KDM4B: variants seen among roughly 807,000 people sequenced by gnomAD.
The protein encoded by KDM4B is lysine-specific demethylase 4B.
A neutral mutation model predicts 125.2 loss-of-function variants in KDM4B; 32 were observed. That is an observed-to-expected ratio of 0.26 (90% confidence interval 0.19 to 0.34). The LOEUF (loss-of-function observed/expected upper bound fraction) is 0.34. Ranked by LOEUF, KDM4B falls within the 10% of genes least tolerant of loss-of-function variation. The probability of loss-of-function intolerance (pLI) is 1.00; values close to 1 mark genes in which losing one functional copy is unlikely to be tolerated. For missense variants in KDM4B, 1,190 were observed against 1,577.7 expected, an observed-to-expected ratio of 0.75 and a Z score of 4.16; for synonymous variants, 721 against 677.9, an observed-to-expected ratio of 1.06 and a Z score of -0.99.
At position 5,144,013 on chromosome 19, in the gene KDM4B, G is replaced by A; in HGVS notation, c.2597G>A (p.Cys866Tyr). The A allele has an allele frequency of 6.3e-7, 1 of 1,592,986 alleles. No individual in the cohort carries two copies. ...CGGATGAAGAAGGTGTCAGGTGCCT[G>A]TATCCAGTGCTCCTACGAGCACTGC... Reference protein sequence around the residue: ...RKRMKKVSGACIQCSYEHCST... With the variant: ...RKRMKKVSGAYIQCSYEHCST... The change falls in exon 19 of 23, where the codon TGT (cysteine) becomes TAT (tyrosine). Residue 866 changes from cysteine (C) to tyrosine (Y), a missense_variant. Coordinates refer to ENST00000159111, the MANE Select transcript of KDM4B (RefSeq NM_015015.3).
chr19:5,033,099 G>T lies in KDM4B; in HGVS notation c.141+68G>T, dbSNP rs1250836410. On this transcript the variant is annotated intron_variant, in intron 3 of 22. Coordinates refer to ENST00000159111, the MANE Select transcript of KDM4B (RefSeq NM_015015.3). The stretch of plus-strand genomic sequence containing the variant: ...CGCCGCGGGCCTGCGGACATCCTGG[G>T]TCCCAGCTCAGCCAGCCCCACAGGC... 4 of 1,566,546 alleles carry T rather than the reference G, an allele frequency of 2.6e-6. No homozygotes were observed. The African/African-American group carries it at 4.1e-5, about 16-fold the overall frequency.
intron 10 of KDM4B, among the ~76,000 whole-genome samples, chr19:5,116,022 A>T (rs2039247608): frequency 1.3e-5 from 2 of 152,308 alleles, no homozygotes; most frequent in South Asian, 4.1e-4. Context: ...TACCCAAACC[A>T]CAATGCATCG....
At chr19:5,095,904 C>A (rs1171559839) in intron 9 of KDM4B, among the ~76,000 whole-genome samples, 1 of 152,218 alleles carries the variant, frequency 6.6e-6, no homozygotes, top group African/African-American at 2.4e-5. Context: ...CAGGGGCCCC[C>A]AGTCTATAGA....
At chr19:5,076,021 C>T (rs966025622) in intron 7 of KDM4B, 7 of 172,118 alleles carry the variant, frequency 4.1e-5, no homozygotes, top group Non-Finnish European at 6.3e-5. Flanking sequence ...ACATCAGCTC[C>T]GAGAGGAGAG....
chr19:5,120,425 CTG>C (rs1216796487), intron 11 of KDM4B, among the ~76,000 whole-genome samples: 1 of 152,252 alleles, frequency 6.6e-6, no homozygotes, highest in African/African-American at 2.4e-5. Flanking sequence ...CTGGTCCTGA[CTG>C]TGAGCTGGGG....
At chr19:4,999,985 C>A (rs894801060) in intron 1 of KDM4B, among the ~76,000 whole-genome samples, 1 of 144,988 alleles carries the variant, frequency 6.9e-6, no homozygotes, top group African/African-American at 2.6e-5. Context: ...ATCTATCCCC[C>A]TGTCCACCCA....
intron 1 of KDM4B, among the ~76,000 whole-genome samples, chr19:4,998,298 G>C (rs147394148): frequency 6.6e-6 from 1 of 152,300 alleles, no homozygotes; most frequent in South Asian, 2.1e-4. Context: ...TCTGTCCTGG[G>C]TTTTCTTGGC....
intron 13 of KDM4B, 92 bp from the exon 14 acceptor site, chr19:5,133,791 C>T (rs937696828): frequency 7.2e-7 from 1 of 1,379,742 alleles, no homozygotes; most frequent in African/African-American, 1.4e-5. Flanking sequence ...GGCTGTAGAC[C>T]CGGGGCCATC....
Position 5,137,246 on chromosome 19 carries a change from C to T in KDM4B, c.2309-16C>T. On this transcript the variant is annotated splice_polypyrimidine_tract_variant and intron_variant, in intron 15 of 22. Transcript: ENST00000159111. The stretch of plus-strand genomic sequence containing the variant: ...ACCTGCCCCCCAGATCTCAGCCAGC[C>T]CCCGCTGTCTTCCAGGTTGCTATGG... 6.4e-7 allele frequency: 1 copy of T among 1,559,636 alleles called. No individual in the cohort carries two copies. The highest frequency in any genetic ancestry group is 8.7e-7 in the Non-Finnish European group (1 of 1,151,452).
In KDM4B at chr19:5,153,452, A is replaced by G. The variant is rs550705541; in HGVS notation, c.*1941A>G. 2 of 152,328 alleles carry G rather than the reference A, an allele frequency of 1.3e-5. No individual in the cohort carries two copies. Among genetic ancestry groups the G allele is most frequent in the African/African-American group, 4.8e-5 (2 of 41,588 alleles). 9.4% of individuals were successfully genotyped at this position (152,328 alleles called of 1,614,324 possible). A position where few individuals can be genotyped will look rare whatever the true frequency, so the allele number is the denominator to read the frequency against. On this transcript the variant is annotated 3_prime_UTR_variant, in exon 23 of 23. Coordinates refer to ENST00000159111, the MANE Select transcript of KDM4B (RefSeq NM_015015.3). ...AGCTGCACACTCTCCCCACGAAGGT[A>G]TCTCTGTGTCTTACTCTGTGCAAAG...
At chr19:5,023,739 C>A (rs1175806720) in intron 2 of KDM4B, among the ~76,000 whole-genome samples, 2 of 151,492 alleles carry the variant, frequency 1.3e-5, no homozygotes, top group African/African-American at 2.4e-5. Flanking sequence ...TTTTCAAAAA[C>A]CATGCACTGT....
chr19:5,145,031 G>GTGAGGCCCGCAGGACCCAGC, intron 21 of KDM4B, 129 bp downstream of exon 21: 1 of 1,232,064 alleles, frequency 8.1e-7, no homozygotes, highest in Non-Finnish European at 1.1e-6. Context: ...GCCATGGTTA[G>GTGAGGCCCGCAGGACCCAGC]TGAGGCCCGC....
intron 2 of KDM4B, among the ~76,000 whole-genome samples, chr19:5,023,457 A>C (rs888505228): frequency 2.2e-4 from 33 of 152,158 alleles, no homozygotes; most frequent in African/African-American, 7.2e-4. Context: ...TCACTTGGGA[A>C]CCTGGCTGCA....
At chr19:5,021,616 A>G (rs1312660067) in intron 2 of KDM4B, among the ~76,000 whole-genome samples, 8 of 150,298 alleles carry the variant, frequency 5.3e-5, no homozygotes, top group Non-Finnish European at 7.4e-5. Flanking sequence ...AAGAGTAGAT[A>G]GAGTGCAGGC....
At chr19:5,144,961 G>T in intron 21 of KDM4B, 59 bp downstream of exon 21, 1 of 1,606,416 alleles carries the variant, frequency 6.2e-7, no homozygotes, top group Non-Finnish European at 8.5e-7. Flanking sequence ...TGTAGGTGCG[G>T]GGACAGGAGG....
chr19:5,132,338 G>A (rs2039572808), intron 13 of KDM4B, among the ~76,000 whole-genome samples: 1 of 152,168 alleles, frequency 6.6e-6, no homozygotes, highest in African/African-American at 2.4e-5. Flanking sequence ...GGAGAGGTTG[G>A]AACAAAAGGC....
chr19:5,138,186 G>C (rs2039682969), intron 18 of KDM4B, 116 bp downstream of exon 18: 1 of 733,020 alleles, frequency 1.4e-6, no homozygotes, highest in Non-Finnish European at 2.2e-6. Flanking sequence ...CGTCTCCATG[G>C]GGGTGGTGGG....
At chr19:4,988,250 T>C (rs1302403733) in intron 1 of KDM4B, among the ~76,000 whole-genome samples, 1 of 152,214 alleles carries the variant, frequency 6.6e-6, no homozygotes, top group Non-Finnish European at 1.5e-5. Context: ...CTGGACGCGC[T>C]GGAAACCAGC....
At chr19:4,980,374 A>G (rs2034593225) in intron 1 of KDM4B, among the ~76,000 whole-genome samples, 1 of 149,552 alleles carries the variant, frequency 6.7e-6, no homozygotes, top group Admixed American at 6.7e-5. Context: ...GATATTCTCA[A>G]GGTGTATCCA....
Sources: gnomAD v4.1 joint callset for allele counts (sites outside exome capture counted in the v4.1 genomes callset) on GRCh38, gnomAD v4.1.1 for gene constraint, MANE v1.5 for transcripts, NCBI Gene and HGNC (gene_info 2026-07-23, HGNC 2026-07-21) for gene names.